The following SMYD3 variants were observed in gnomAD, a reference collection of about 807,000 sequenced individuals.
SMYD3 encodes the protein histone-lysine N-methyltransferase SMYD3.
SMYD3 carries 36 observed loss-of-function variants against 57.7 expected under a neutral mutation model. The ratio of observed to expected loss-of-function variants is 0.62; its 90% CI spans 0.48 to 0.82. The LOEUF is 0.82. Among genes scored for constraint, SMYD3 ranks in the 40% least tolerant of loss-of-function variants. The pLI is 0.00. For missense variants in SMYD3, 515 were observed against 538.8 expected (o/e 0.96, Z 0.44); for synonymous variants, 211 against 195.0 (o/e 1.08, Z -0.68).
chr1:246,414,105 G>A (rs1460809133), intron 1 of SMYD3, among the ~76,000 whole-genome samples: 2 of 152,170 alleles, frequency 1.3e-5, no homozygotes, highest in Non-Finnish European at 2.9e-5. Flanking sequence ...GTGCCTGGTT[G>A]AAAATTCATT....
chr1:245,949,446 G>A (rs2057541571), intron 5 of SMYD3, among the ~76,000 whole-genome samples: 1 of 152,018 alleles, frequency 6.6e-6, no homozygotes, highest in Non-Finnish European at 1.5e-5. Context: ...TGCCGATACA[G>A]CCAAAAAAGA....
At chr1:245,966,178 CTCTT>C (rs1160192170) in intron 5 of SMYD3, among the ~76,000 whole-genome samples, 9 of 152,158 alleles carry the variant, frequency 5.9e-5, no homozygotes, top group African/African-American at 1.4e-4. Context: ...TTCTCTCTCT[CTCTT>C]TCTTTTAGAG....
At chr1:246,009,397 T>C (rs2059237148) in intron 5 of SMYD3, among the ~76,000 whole-genome samples, 1 of 152,252 alleles carries the variant, frequency 6.6e-6, no homozygotes, top group African/African-American at 2.4e-5. Flanking sequence ...TCTACAATCC[T>C]AACTTTAATG....
In SMYD3 at chr1:245,807,354, A is replaced by G. The variant is rs982671840; in HGVS notation, c.1077-43205T>C. Among the ~76,000 whole-genome samples, 106 of 152,326 alleles carry G rather than the reference A, an allele frequency of 7.0e-4. 2 individuals are homozygous for G. Among genetic ancestry groups the G allele is most frequent in the Non-Finnish European group, 1.3e-4 (9 of 68,026 alleles). ...CAAACGCGTTTTTACCAACAAAGAA[A>G]AAAAAAAGGTTGGAGAGGAAGAAGA... On this transcript the variant is annotated intron_variant, in intron 10 of 11. Transcript: ENST00000490107.
chr1:245,797,574 A>G (rs201298556), intron 10 of SMYD3, among the ~76,000 whole-genome samples: 104 of 151,848 alleles, frequency 6.8e-4, no homozygotes, highest in Admixed American at 1.4e-3. Context: ...TACCTAATGT[A>G]AATGACAAGT....
At chr1:246,344,590 C>G (rs1231598130) in intron 2 of SMYD3, among the ~76,000 whole-genome samples, 1 of 152,156 alleles carries the variant, frequency 6.6e-6, no homozygotes, top group Non-Finnish European at 1.5e-5. Flanking sequence ...AGGTAAATAA[C>G]TAGGAGCAGA....
intron 5 of SMYD3, among the ~76,000 whole-genome samples, chr1:246,067,780 A>G (rs545997010): frequency 1.3e-5 from 2 of 152,232 alleles, no homozygotes. Context: ...AAGCAGACGC[A>G]TAACAGCAAT....
chr1:246,339,531 T>TA (rs921590831), intron 2 of SMYD3, among the ~76,000 whole-genome samples: 8 of 146,046 alleles, frequency 5.5e-5, no homozygotes, highest in African/African-American at 1.8e-4. Context: ...AGCCCAGATC[T>TA]AAAAAAATGC....
intron 5 of SMYD3, among the ~76,000 whole-genome samples, chr1:246,279,220 A>T (rs1299827839): frequency 1.3e-5 from 2 of 152,182 alleles, no homozygotes; most frequent in African/African-American, 2.4e-5. Flanking sequence ...TTAAGCTACA[A>T]TGTAAGATTG....
intron 4 of SMYD3, among the ~76,000 whole-genome samples, chr1:246,328,559 C>T (rs2065396676): frequency 6.6e-6 from 1 of 152,042 alleles, no homozygotes; most frequent in South Asian, 2.1e-4. Flanking sequence ...AACTCTGTTG[C>T]TTATGTCTAT....
intron 5 of SMYD3, among the ~76,000 whole-genome samples, chr1:246,018,966 G>T (rs2059424201): frequency 1.3e-5 from 2 of 152,094 alleles, no homozygotes; most frequent in Non-Finnish European, 2.9e-5. Flanking sequence ...TGGCTTAAAT[G>T]TTGCAGATAA....
intron 2 of SMYD3, among the ~76,000 whole-genome samples, chr1:246,349,946 A>G (rs2065795877): frequency 6.6e-6 from 1 of 152,238 alleles, no homozygotes; most frequent in Non-Finnish European, 1.5e-5. Flanking sequence ...TTTGAATATC[A>G]ATGATCTAAA....
At chr1:246,172,215 C>T (rs930824614) in intron 5 of SMYD3, among the ~76,000 whole-genome samples, 4 of 151,356 alleles carry the variant, frequency 2.6e-5, no homozygotes, top group Admixed American at 2.0e-4. Context: ...ACTCACTGTT[C>T]TCTACTGTAG....
chr1:245,886,622 G>A (rs80209018), intron 8 of SMYD3, among the ~76,000 whole-genome samples: 6 of 152,250 alleles, frequency 3.9e-5, no homozygotes, highest in African/African-American at 1.4e-4. Flanking sequence ...CATTCTTTGT[G>A]GGGGAGGAAG....
At chr1:245,949,831 C>T (rs1312453457) in intron 5 of SMYD3, among the ~76,000 whole-genome samples, 6 of 136,090 alleles carry the variant, frequency 4.4e-5, no homozygotes, top group African/African-American at 1.6e-4. Flanking sequence ...ACCCACCCCC[C>T]CCACCCCCAC....
chr1:246,391,282 A>C (rs1042802825), intron 1 of SMYD3, among the ~76,000 whole-genome samples: 1 of 151,302 alleles, frequency 6.6e-6, no homozygotes, highest in African/African-American at 2.4e-5. Flanking sequence ...TGGGAGGCTT[A>C]AGTAGGAGAA....
intron 8 of SMYD3, among the ~76,000 whole-genome samples, chr1:245,886,448 A>G (rs2148567365): frequency 6.6e-6 from 1 of 152,348 alleles, no homozygotes; most frequent in South Asian, 2.1e-4. Context: ...AAGTACAGCT[A>G]GTTTAGAGAC....
intron 5 of SMYD3, among the ~76,000 whole-genome samples, chr1:246,079,354 T>C (rs920571063): frequency 1.3e-5 from 2 of 152,226 alleles, no homozygotes; most frequent in Non-Finnish European, 2.9e-5. Context: ...TTAAGGAATT[T>C]TGAAAAGAAC....
chr1:246,003,036 T>C (rs2059106335), intron 5 of SMYD3, among the ~76,000 whole-genome samples: 1 of 152,126 alleles, frequency 6.6e-6, no homozygotes, highest in Non-Finnish European at 1.5e-5. Flanking sequence ...AGAAAAGAAG[T>C]CTGAAGGATA....
Sources: allele counts gnomAD v4.1 joint callset (sites outside exome capture counted in the v4.1 genomes callset), GRCh38; gene constraint gnomAD v4.1.1; transcripts MANE v1.5; gene names NCBI Gene and HGNC (gene_info 2026-07-23, HGNC 2026-07-21).